Variants in CPQ observed in about 807,000 individuals in gnomAD.
The protein encoded by CPQ is Ser-Met dipeptidase.
CPQ carries 37 observed loss-of-function variants against 45.7 expected under a neutral mutation model. The observed-to-expected ratio is 0.81, with a 90% CI of 0.62 to 1.07. CPQ has a LOEUF of 1.07. Ranked by LOEUF, CPQ falls within the 50% of genes least tolerant of loss-of-function variation. The probability of loss-of-function intolerance (pLI) is 0.00; values close to 1 mark genes in which losing one functional copy is unlikely to be tolerated. For synonymous variants in CPQ, 186 were observed against 205.8 expected (o/e 0.90, Z 0.82); for missense variants, 537 against 572.9 (o/e 0.94, Z 0.64).
intron 7 of CPQ, among the ~76,000 whole-genome samples, chr8:97,140,573 T>C (rs1812141612): frequency 6.6e-6 from 1 of 152,006 alleles, no homozygotes; most frequent in African/African-American, 2.4e-5. Flanking sequence ...TAGAAACATA[T>C]ATAAACACAC....
intron 4 of CPQ, among the ~76,000 whole-genome samples, chr8:96,925,602 C>T (rs1030916327): frequency 6.6e-6 from 1 of 152,040 alleles, no homozygotes; most frequent in African/African-American, 2.4e-5. Flanking sequence ...AGGCTGGTCT[C>T]GACCTCCTGA....
At chr8:96,715,888 C>G (rs1416597054) in intron 1 of CPQ, among the ~76,000 whole-genome samples, 2 of 152,208 alleles carry the variant, frequency 1.3e-5, no homozygotes, top group Non-Finnish European at 2.9e-5. Context: ...CAAGCTGGTG[C>G]TAGGGAATGT....
At chr8:96,766,507 G>A (rs1427940433) in intron 1 of CPQ, among the ~76,000 whole-genome samples, 1 of 152,168 alleles carries the variant, frequency 6.6e-6, no homozygotes, top group East Asian at 1.9e-4. Context: ...ATCAAATGCA[G>A]CCTCTGTAGG....
intron 4 of CPQ, among the ~76,000 whole-genome samples, chr8:96,898,212 G>C (rs1214826434): frequency 1.3e-5 from 2 of 152,076 alleles, no homozygotes; most frequent in Non-Finnish European, 2.9e-5. Context: ...ATGGTATCCT[G>C]GGCAGTTCAG....
chr8:96,867,469 C>A (rs966556625), intron 3 of CPQ, among the ~76,000 whole-genome samples: 5 of 151,934 alleles, frequency 3.3e-5, no homozygotes, highest in Non-Finnish European at 7.4e-5. Context: ...AAAAAGCAAT[C>A]AAACTTAACA....
In CPQ at chr8:97,143,324, T is replaced by C. The variant is rs892173023; in HGVS notation, c.*141T>C. ...ATTTCATGCTTTCTGTTATTATCTT[T>C]CTTGATACTTTCCAAATTCTCTGAT... On this transcript the variant is annotated 3_prime_UTR_variant, in exon 8 of 8. Coordinates refer to ENST00000220763, the MANE Select transcript of CPQ (RefSeq NM_016134.4). 7.4e-5 allele frequency: 57 copies of C among 773,114 alleles called. No homozygotes were observed. Among genetic ancestry groups the C allele is most frequent in the Non-Finnish European group, 1.1e-4 (57 of 498,126 alleles). 47.9% of individuals were successfully genotyped at this position (773,114 alleles called of 1,614,324 possible). A position where few individuals can be genotyped will look rare whatever the true frequency, so the allele number is the denominator to read the frequency against.
chr8:96,656,260 T>A (rs909935702), intron 1 of CPQ, among the ~76,000 whole-genome samples: 5 of 152,180 alleles, frequency 3.3e-5, no homozygotes, highest in East Asian at 1.9e-4. Context: ...AATGACCCCA[T>A]GCAGGCAGAG....
chr8:97,140,905 G>T (rs1369034398), intron 7 of CPQ, among the ~76,000 whole-genome samples: 3 of 151,854 alleles, frequency 2.0e-5, no homozygotes, highest in African/African-American at 7.2e-5. Context: ...AAACATATAA[G>T]GAAACTTAAT....
chr8:96,992,061 G>A (rs1013834834), intron 5 of CPQ, among the ~76,000 whole-genome samples: 1 of 152,198 alleles, frequency 6.6e-6, no homozygotes, highest in Non-Finnish European at 1.5e-5. Flanking sequence ...ATCCCTTGAT[G>A]GGTGTGTGGC....
At chr8:97,108,040 G>T (rs1411731273) in intron 7 of CPQ, among the ~76,000 whole-genome samples, 1 of 152,218 alleles carries the variant, frequency 6.6e-6, no homozygotes, top group Non-Finnish European at 1.5e-5. Context: ...CGATGTGGAA[G>T]TTCCCTTCTG....
chr8:96,692,423 C>T (rs1203344632), intron 1 of CPQ, among the ~76,000 whole-genome samples: 1 of 152,220 alleles, frequency 6.6e-6, no homozygotes, highest in Non-Finnish European at 1.5e-5. Context: ...AGCACAGTCC[C>T]AGTGTTGGTG....
At chr8:96,822,690 C>T in intron 2 of CPQ, among the ~76,000 whole-genome samples, 1 of 151,960 alleles carries the variant, frequency 6.6e-6, no homozygotes, top group Non-Finnish European at 1.5e-5. Flanking sequence ...CACTGCACTC[C>T]AGCCACAAAA....
At chr8:97,109,285 A>G (rs67861961) in intron 7 of CPQ, among the ~76,000 whole-genome samples, 13,450 of 152,232 alleles carry the variant, frequency 0.088, 708 homozygotes, top group Non-Finnish European at 0.11. Context: ...GGTCTATGCC[A>G]TACAACTCAG....
chr8:96,892,565 T>C (rs1812391552), intron 4 of CPQ, among the ~76,000 whole-genome samples: 1 of 152,248 alleles, frequency 6.6e-6, no homozygotes, highest in South Asian at 2.1e-4. Context: ...ATTCATTCTT[T>C]TTTTCTTTCT....
chr8:96,841,538 C>T (rs114248018), intron 3 of CPQ, among the ~76,000 whole-genome samples: 1,736 of 152,282 alleles, frequency 0.011, 40 homozygotes, highest in African/African-American at 0.037. Context: ...ACAGGGACTG[C>T]GACTTTTAAT....
At chr8:97,129,585 G>C (rs572612459) in intron 7 of CPQ, among the ~76,000 whole-genome samples, 13 of 152,172 alleles carry the variant, frequency 8.5e-5, no homozygotes, top group Non-Finnish European at 1.9e-4. Flanking sequence ...GAAACAAAAA[G>C]TAGGAATGCT....
intron 3 of CPQ, among the ~76,000 whole-genome samples, chr8:96,844,401 T>C (rs969634198): frequency 6.6e-6 from 1 of 152,192 alleles, no homozygotes; most frequent in African/African-American, 2.4e-5. Context: ...AGGTATTTGT[T>C]GGAGTCTATC....
chr8:96,987,813 A>C (rs1459700550), intron 5 of CPQ, among the ~76,000 whole-genome samples: 2 of 152,148 alleles, frequency 1.3e-5, no homozygotes, highest in Non-Finnish European at 2.9e-5. Flanking sequence ...TGGAAGATAG[A>C]TTTTATTTAA....
intron 6 of CPQ, among the ~76,000 whole-genome samples, chr8:97,047,909 AC>A (rs1437562522): frequency 1.1e-4 from 16 of 152,286 alleles, no homozygotes; most frequent in African/African-American, 3.8e-4. Context: ...TGAGAATAGA[AC>A]CCTAACCTTT....
Sources: gnomAD v4.1 joint callset for allele counts (sites outside exome capture counted in the v4.1 genomes callset) on GRCh38, gnomAD v4.1.1 for gene constraint, MANE v1.5 for transcripts, NCBI Gene and HGNC (gene_info 2026-07-23, HGNC 2026-07-21) for gene names.